TP63: variants seen among roughly 807,000 people sequenced by gnomAD.
TP63 encodes tumor protein 63.
TP63 carries 17 observed loss-of-function variants against 82.8 expected under a neutral mutation model. The ratio of observed to expected loss-of-function variants is 0.21; its 90% CI spans 0.14 to 0.31. The LOEUF (loss-of-function observed/expected upper bound fraction) is 0.31, where lower values mean the gene tolerates loss of function less well. Among genes scored for constraint, TP63 ranks in the 10% least tolerant of loss-of-function variants. TP63 has a pLI of 1.00. For synonymous variants in TP63, 330 were observed against 321.7 expected (o/e 1.03, Z -0.28); for missense variants, 648 against 895.3 (o/e 0.72, Z 3.52).
At chr3:189,855,769 G>C in intron 4 of TP63, among the ~76,000 whole-genome samples, 1 of 151,954 alleles carries the variant, frequency 6.6e-6, no homozygotes, top group African/African-American at 2.4e-5. Flanking sequence ...GTTAATAATG[G>C]TATGTATCTC....
chr3:189,814,859 C>A (rs1476946981), intron 4 of TP63, among the ~76,000 whole-genome samples: 1 of 152,178 alleles, frequency 6.6e-6, no homozygotes, highest in African/African-American at 2.4e-5. Context: ...GCCTCCCATA[C>A]TATTTTGAGT....
At chr3:189,610,193 C>G in the TP63 span, among the ~76,000 whole-genome samples, 1 of 152,138 alleles carries the variant, frequency 6.6e-6, no homozygotes, top group African/African-American at 2.4e-5. Flanking sequence ...AGTGTCTGTT[C>G]ATGCAATTTA....
intron 3 of TP63, among the ~76,000 whole-genome samples, chr3:189,782,683 G>A (rs1380057110): frequency 6.6e-6 from 1 of 152,034 alleles, no homozygotes; most frequent in Admixed American, 6.6e-5. Flanking sequence ...AGAGATGAAA[G>A]TTCAAAGAAA....
chr3:189,819,444 C>G (rs1319895892), intron 4 of TP63, among the ~76,000 whole-genome samples: 3 of 152,228 alleles, frequency 2.0e-5, no homozygotes, highest in African/African-American at 7.2e-5. Context: ...TCCCTCCCCC[C>G]TTCCCTCACC....
At chr3:189,846,365 A>G (rs924543929) in intron 4 of TP63, among the ~76,000 whole-genome samples, 2 of 152,194 alleles carry the variant, frequency 1.3e-5, no homozygotes, top group Admixed American at 6.5e-5. Context: ...GTTAGTTTTC[A>G]GGAACTTCTT....
intron 1 of TP63, among the ~76,000 whole-genome samples, chr3:189,737,498 A>G (rs911722724): frequency 3.3e-5 from 5 of 152,184 alleles, no homozygotes; most frequent in Non-Finnish European, 5.9e-5. Flanking sequence ...TTAGGAAAGG[A>G]GAGCTTTGAT....
At chr3:189,611,338 G>C in the TP63 span, among the ~76,000 whole-genome samples, 1 of 152,262 alleles carries the variant, frequency 6.6e-6, no homozygotes, top group South Asian at 2.1e-4. Flanking sequence ...TAAGGAAGGA[G>C]TTCAGTTGCA....
chr3:189,794,043 G>T (rs1211529308), intron 3 of TP63, among the ~76,000 whole-genome samples: 1 of 151,936 alleles, frequency 6.6e-6, no homozygotes, highest in African/African-American at 2.4e-5. Context: ...CACAATTTGT[G>T]GGCCCAAGAA....
chr3:189,643,000 T>C (rs1189512899), intron 1 of TP63, among the ~76,000 whole-genome samples: 1 of 114,068 alleles, frequency 8.8e-6, no homozygotes. Context: ...TATTTATTTA[T>C]TTATTTATTT....
intron 10 of TP63, among the ~76,000 whole-genome samples, chr3:189,875,305 C>T (rs1381084387): frequency 4.6e-5 from 7 of 151,746 alleles, no homozygotes; most frequent in African/African-American, 1.2e-4. Context: ...CGGTGGCTCA[C>T]GCCTGTAATC....
intron 10 of TP63, among the ~76,000 whole-genome samples, chr3:189,882,222 T>A (rs1053896857): frequency 6.6e-6 from 1 of 152,040 alleles, no homozygotes; most frequent in Admixed American, 6.6e-5. Context: ...TTCAGAAGGG[T>A]TTTTCTTTTC....
intron 1 of TP63, among the ~76,000 whole-genome samples, chr3:189,734,165 TC>T (rs1560143808): frequency 3.9e-5 from 3 of 77,074 alleles, no homozygotes; most frequent in Admixed American, 1.5e-4. Context: ...CCTCCCTCCC[TC>T]CCTTCTTTTT....
intron 4 of TP63, among the ~76,000 whole-genome samples, chr3:189,859,968 T>A (rs894351749): frequency 2.6e-5 from 4 of 152,030 alleles, no homozygotes; most frequent in African/African-American, 9.7e-5. Context: ...GGCCAGGAGC[T>A]AGGGAGGGGA....
At chr3:189,667,230 A>G (rs918013390) in intron 1 of TP63, among the ~76,000 whole-genome samples, 4 of 144,220 alleles carry the variant, frequency 2.8e-5, no homozygotes, top group Non-Finnish European at 6.0e-5. Flanking sequence ...AGAGTAGTAC[A>G]GTGGTGCAAT....
intron 1 of TP63, among the ~76,000 whole-genome samples, chr3:189,689,098 C>CATT (rs1716685291): frequency 2.3e-5 from 2 of 85,140 alleles, no homozygotes; most frequent in Non-Finnish European, 4.3e-5. Flanking sequence ...TCAAATCTAC[C>CATT]TTTTTCTTTT....
intron 3 of TP63, among the ~76,000 whole-genome samples, chr3:189,764,437 G>A (rs1722792132): frequency 6.6e-6 from 1 of 152,112 alleles, no homozygotes; most frequent in Non-Finnish European, 1.5e-5. Context: ...GGTAAAAATT[G>A]AAACACCCAC....
Position 189,844,163 on chromosome 3 carries a change from T to A in TP63, c.580-20069T>A, listed in dbSNP as rs181689209. The A allele has an allele frequency of 1.3e-3, 491 of 370,312 alleles. 2 individuals carry two copies. The highest frequency in any genetic ancestry group is 2.3e-3 in the Non-Finnish European group (430 of 190,466). 22.9% of individuals were successfully genotyped at this position (370,312 alleles called of 1,614,324 possible). ...ATTAAAAGCCATTGAAATGAACACTTTTCCTTTTTCTTTTTTTTTTTTCTT... is the reference window on the plus strand; with the variant it reads ...ATTAAAAGCCATTGAAATGAACACTATTCCTTTTTCTTTTTTTTTTTTCTT... On this transcript the variant is annotated intron_variant, in intron 4 of 13. Coordinates refer to ENST00000264731, the MANE Select transcript of TP63 (RefSeq NM_003722.5).
chr3:189,717,137 A>G (rs1719024955), intron 1 of TP63, among the ~76,000 whole-genome samples: 1 of 152,116 alleles, frequency 6.6e-6, no homozygotes, highest in Non-Finnish European at 1.5e-5. Context: ...ATCAATTGCA[A>G]CAACTGAAAT....
chr3:189,831,091 G>A (rs1712260952), intron 4 of TP63, among the ~76,000 whole-genome samples: 1 of 152,158 alleles, frequency 6.6e-6, no homozygotes, highest in Non-Finnish European at 1.5e-5. Flanking sequence ...TCTTCCCAGT[G>A]CCAATGCTGC....
Sources: allele counts gnomAD v4.1 joint callset (sites outside exome capture counted in the v4.1 genomes callset), GRCh38; gene constraint gnomAD v4.1.1; transcripts MANE v1.5; gene names NCBI Gene and HGNC (gene_info 2026-07-23, HGNC 2026-07-21).